Variants in FAM171A2 observed in about 807,000 individuals in gnomAD.
FAM171A2 encodes the protein protein FAM171A2.
In FAM171A2, 13 loss-of-function variants were observed where a neutral mutation model predicts 34.2. The observed-to-expected ratio is 0.38, with a 90% CI of 0.25 to 0.60. The LOEUF (loss-of-function observed/expected upper bound fraction) is 0.60, where lower values mean the gene tolerates loss of function less well. Ranked by LOEUF, FAM171A2 falls within the 20% of genes least tolerant of loss-of-function variation. FAM171A2 has a pLI of 0.62. For missense variants in FAM171A2, 950 were observed against 1,180.7 expected (o/e 0.80, Z 2.86); for synonymous variants, 475 against 561.2 (o/e 0.85, Z 2.17).
chr17:44,363,367 C>G (rs1314899222), intron 1 of FAM171A2, among the ~76,000 whole-genome samples: 1 of 152,124 alleles, frequency 6.6e-6, no homozygotes, highest in Non-Finnish European at 1.5e-5. Flanking sequence ...CCTGGGGACC[C>G]TCGCACTACC....
In FAM171A2 at chr17:44,354,469, T is replaced by G; in HGVS notation, c.1745A>C (p.Gln582Pro). The change falls in exon 8 of 8, where the codon CAG becomes CCG. Residue 582 changes from glutamine (Q) to proline (P), a missense_variant. Gln to Pro is a moderately conservative substitution (Grantham distance 76). Around this residue, in one of 3 missense-constraint regions of FAM171A2, gnomAD observed 752 missense variants for 924.5 expected, o/e 0.81. Transcript: ENST00000293443. This position sits in a 1 kb window ranked among gnomAD's most constrained non-coding sequence, Gnocchi z 5.8. ...CGAGTGGCCCGGCATCTGCGGGCGC[T>G]GGGGGTCGGGCTGGGGAAAAGCGCG... is the stretch of plus-strand genomic sequence containing the variant. ...PARAFPQPDPQRPQMPGHSGP... is the reference protein window; with the variant it reads ...PARAFPQPDPPRPQMPGHSGP... The G allele has an allele frequency of 9.3e-7, 1 of 1,079,940 alleles. No homozygotes were observed. Among genetic ancestry groups the G allele is most frequent in the Non-Finnish European group, 1.1e-6 (1 of 890,884 alleles). 66.9% of individuals were successfully genotyped at this position (1,079,940 alleles called of 1,614,324 possible).
chr17:44,354,485 GA>G lies in FAM171A2; in HGVS notation c.1728del (p.Gln578SerfsTer60). 2 of 1,079,476 alleles carry G rather than the reference GA, an allele frequency of 1.9e-6. No homozygotes were observed. Among genetic ancestry groups the G allele is most frequent in the Non-Finnish European group, 2.2e-6 (2 of 890,914 alleles). The allele number at this position is 1,079,476 out of a possible 1,614,324, so 66.9% of individuals were successfully genotyped here. On this transcript the variant is annotated frameshift_variant, in exon 8 of 8. Coordinates refer to ENST00000293443, the MANE Select transcript of FAM171A2 (RefSeq NM_198475.3). LOFTEE classifies it low-confidence loss of function (END_TRUNC). This position sits in a 1 kb window ranked among gnomAD's most constrained non-coding sequence, Gnocchi z 5.8. ...TGCGGGCGCTGGGGGTCGGGCTGGG[GA>G]AAAGCGCGCGCCGGGCCGGGTGCCG... is the stretch of plus-strand genomic sequence containing the variant. ...EGTAPGPARA[F>X]PQPDPQRPQM... is the part of the protein sequence containing the mutation.
At chr17:44,360,920 G>T (rs2143385778) in intron 1 of FAM171A2, among the ~76,000 whole-genome samples, 1 of 152,254 alleles carries the variant, frequency 6.6e-6, no homozygotes, top group African/African-American at 2.4e-5. Flanking sequence ...CCCCTCACAT[G>T]AACCGCCTGC....
At chr17:44,356,977 G>C (rs1248076631) in intron 3 of FAM171A2, among the ~76,000 whole-genome samples, 2 of 152,148 alleles carry the variant, frequency 1.3e-5, no homozygotes, top group Non-Finnish European at 2.9e-5. Flanking sequence ...GTACCCACTG[G>C]ACACACGTGG....
In FAM171A2 at chr17:44,354,528, C is replaced by T; in HGVS notation, c.1686G>A (p.Pro562=). ...EAGAAGVGDE[P]APPEGTAPGP... The stretch of plus-strand genomic sequence containing the variant: ...CGGGTGCCGTGCCCTCCGGCGGGGC[C>T]GGCTCGTCGCCCACGCCGGCGGCGC... The change falls in exon 8 of 8, where the codon CCG becomes CCA. Residue 562 remains proline, a synonymous_variant. Coordinates refer to ENST00000293443, the MANE Select transcript of FAM171A2 (RefSeq NM_198475.3). The surrounding 1 kb of genome is among the most constrained non-coding windows in gnomAD (Gnocchi z 5.8). 3 of 1,162,994 alleles carry T rather than the reference C, an allele frequency of 2.6e-6. No individual in the cohort carries two copies. The highest frequency in any genetic ancestry group is 3.2e-6 in the Non-Finnish European group (3 of 943,534). The allele number at this position is 1,162,994 out of a possible 1,614,324, so 72.0% of individuals were successfully genotyped here. A position where few individuals can be genotyped will look rare whatever the true frequency, so the allele number is the denominator to read the frequency against.
chr17:44,354,060 C>T lies in FAM171A2; in HGVS notation c.2154G>A (p.Pro718=). The part of the protein sequence containing the change: ...ERAPPAAPPP[P]PAPPRLALSE... ...TGAGCGCCAGGCGCGGGGGCGCGGGCGGCGGCGGCGGCGCGGCAGGCGGGG... is the reference window on the plus strand; with the variant it reads ...TGAGCGCCAGGCGCGGGGGCGCGGGTGGCGGCGGCGGCGCGGCAGGCGGGG... Residue 718 remains proline (P), a synonymous_variant, in exon 8 of 8, where the codon CCG becomes CCA. Transcript: ENST00000293443. The surrounding 1 kb of genome is among the most constrained non-coding windows in gnomAD (Gnocchi z 5.8). 1 of 1,100,156 alleles carries T rather than the reference C, an allele frequency of 9.1e-7. No homozygotes were observed. The highest frequency in any genetic ancestry group is 1.1e-6 in the Non-Finnish European group (1 of 904,780). The allele number at this position is 1,100,156 out of a possible 1,614,324, so 68.1% of individuals were successfully genotyped here.
intron 3 of FAM171A2, 42 bp from the exon 4 acceptor site, chr17:44,356,630 G>C (rs1373995166): frequency 6.7e-7 from 1 of 1,499,900 alleles, no homozygotes; most frequent in Admixed American, 2.2e-5. Flanking sequence ...CCATGGACAG[G>C]GATCCCCAGG....
Position 44,353,257 on chromosome 17 carries a change from G to GT in FAM171A2, c.*475dup. 1 of 259,228 alleles carries GT rather than the reference G, an allele frequency of 3.9e-6. No individual in the cohort carries two copies. The highest frequency in any genetic ancestry group is 7.6e-6 in the Non-Finnish European group (1 of 131,906). The allele number at this position is 259,228 out of a possible 1,614,324, so 16.1% of individuals were successfully genotyped here. On this transcript the variant is annotated 3_prime_UTR_variant, in exon 8 of 8. Transcript: ENST00000293443. ...ATATTTGCTGCTGCCCACATCGGCT[G>GT]TATCACATTACCCCCTAGTCCCCAG...
In FAM171A2 at chr17:44,358,348, C is replaced by T. The variant is rs578087372; in HGVS notation, c.439+1231G>A. On this transcript the variant is annotated intron_variant, in intron 3 of 7. Coordinates refer to ENST00000293443, the MANE Select transcript of FAM171A2 (RefSeq NM_198475.3). ...GGTCCACTGGTATTTTAGAAACCTG[C>T]AGGGGCACTTAGAAGCTTGGGATCA... Among the ~76,000 whole-genome samples the T allele has an allele frequency of 2.6e-5, 4 of 152,240 alleles. No individual in the cohort carries two copies. In the South Asian group the frequency reaches 6.2e-4, roughly 24 times the overall value.
intron 3 of FAM171A2, among the ~76,000 whole-genome samples, chr17:44,358,464 G>A (rs918199232): frequency 2.6e-5 from 4 of 152,050 alleles, no homozygotes; most frequent in South Asian, 4.1e-4. Flanking sequence ...AGGCAGAGGC[G>A]GGTGGATCAC....
intron 1 of FAM171A2, among the ~76,000 whole-genome samples, chr17:44,362,043 G>A (rs974482654): frequency 2.6e-5 from 4 of 151,108 alleles, no homozygotes; most frequent in Non-Finnish European, 5.9e-5. Context: ...GAGGGAGGGG[G>A]CTGGGGAAAC....
chr17:44,363,663 C>T lies in FAM171A2; in HGVS notation c.52G>A (p.Gly18Arg). 8.1e-7 allele frequency: 1 copy of T among 1,227,246 alleles called. No individual in the cohort carries two copies. Among genetic ancestry groups the T allele is most frequent in the Non-Finnish European group, 1.0e-6 (1 of 984,602 alleles). 76.0% of individuals were successfully genotyped at this position (1,227,246 alleles called of 1,614,324 possible). ...CGGGAGGCGCTGCCGAGCAGCAGCC[C>T]CAGCAGCGGCAACAGCCGCGCGAGG... ...SVLARLLPLLGLLLGSASRAP... is the reference protein window; with the variant it reads ...SVLARLLPLLRLLLGSASRAP... The change falls in exon 1 of 8, where the codon GGG becomes AGG. Residue 18 changes from glycine (G) to arginine (R), a missense_variant. This residue lies in a region of FAM171A2 where 752 missense variants were observed against 924.5 expected (regional missense o/e 0.81). Transcript: ENST00000293443.
chr17:44,354,281 G>A lies in FAM171A2; in HGVS notation c.1933C>T (p.Leu645=), dbSNP rs2048408075. Residue 645 remains leucine (L), a synonymous_variant, in exon 8 of 8, where the codon CTG becomes TTG. Coordinates refer to ENST00000293443, the MANE Select transcript of FAM171A2 (RefSeq NM_198475.3). The surrounding 1 kb of genome is among the most constrained non-coding windows in gnomAD (Gnocchi z 5.8). ...GCGCGCGGGTGCGGCTTCACGCCCA[G>A]TTCCAGCAGCTTCTTCTCGGTCAGG... The part of the protein sequence containing the change: ...QALTEKKLLE[L]GVKPHPRAWF... 9.0e-6 allele frequency: 13 copies of A among 1,449,472 alleles called. No individual in the cohort carries two copies. Among genetic ancestry groups the A allele is most frequent in the Non-Finnish European group, 1.2e-5 (13 of 1,095,428 alleles). 89.8% of individuals were successfully genotyped at this position (1,449,472 alleles called of 1,614,324 possible). A position where few individuals can be genotyped will look rare whatever the true frequency, so the allele number is the denominator to read the frequency against.
chr17:44,362,954 C>T (rs2048453838), intron 1 of FAM171A2, among the ~76,000 whole-genome samples: 1 of 152,210 alleles, frequency 6.6e-6, no homozygotes, highest in Non-Finnish European at 1.5e-5. Context: ...TTCTTAGAGG[C>T]CCACAACTGC....
Position 44,355,066 on chromosome 17 carries a change from T to C in FAM171A2, c.1148A>G (p.Glu383Gly), listed in dbSNP as rs1264723548. 6.5e-7 allele frequency: 1 copy of C among 1,548,918 alleles called. No homozygotes were observed. Residue 383 changes from glutamate (E) to glycine (G), a missense_variant, in exon 8 of 8, where the codon GAA becomes GGA. Physicochemically the swap from Glu to Gly is moderately conservative, Grantham distance 98. Coordinates refer to ENST00000293443, the MANE Select transcript of FAM171A2 (RefSeq NM_198475.3). The surrounding 1 kb of genome is among the most constrained non-coding windows in gnomAD (Gnocchi z 4.1). ...CTCGGGGTCCCCCGACGGGGCGGGT[T>C]CCAGGGGTCCCCCACAGATGAGGTG... ...QLHLICGGPL[E>G]PAPSGDPEAP...
In FAM171A2 at chr17:44,354,223, G is replaced by A; in HGVS notation, c.1991C>T (p.Ser664Leu). 1 of 1,455,540 alleles carries A rather than the reference G, an allele frequency of 6.9e-7. No homozygotes were observed. 90.2% of individuals were successfully genotyped at this position (1,455,540 alleles called of 1,614,324 possible). Residue 664 changes from serine (S) to leucine (L), a missense_variant, in exon 8 of 8, where the codon TCG becomes TTG. By Grantham distance (145) the Ser-to-Leu change is moderately radical. Transcript: ENST00000293443. The surrounding 1 kb of genome is among the most constrained non-coding windows in gnomAD (Gnocchi z 5.8). ...WFVSLDGRSNSQVRHSYIDLQ... is the reference protein window; with the variant it reads ...WFVSLDGRSNLQVRHSYIDLQ... ...GTCGATGTAAGAGTGGCGCACTTGC[G>A]AGTTGGAGCGCCCGTCGAGGGACAC...
chr17:44,355,707 G>A lies in FAM171A2; in HGVS notation c.1022+8C>T, dbSNP rs1165478677. 1 of 1,551,496 alleles carries A rather than the reference G, an allele frequency of 6.4e-7. No homozygotes were observed. The highest frequency in any genetic ancestry group is 8.7e-7 in the Non-Finnish European group (1 of 1,146,972). ...TGCAGGGGAGGGTGAGGGAAGCCCC[G>A]TGCTCACCGGCAGTAGTAGATGAGC... On this transcript the variant is annotated splice_region_variant and intron_variant, in intron 7 of 7. Transcript: ENST00000293443. This position sits in a 1 kb window ranked among gnomAD's most constrained non-coding sequence, Gnocchi z 4.1.
At chr17:44,356,979 C>G (rs1304293119) in intron 3 of FAM171A2, among the ~76,000 whole-genome samples, 1 of 152,194 alleles carries the variant, frequency 6.6e-6, no homozygotes, top group African/African-American at 2.4e-5. Flanking sequence ...ACCCACTGGA[C>G]ACACGTGGCT....
Position 44,359,602 on chromosome 17 carries a change from A to C in FAM171A2, c.416T>G (p.Val139Gly). ...PATLILYEDL[V>G]HILLGSPGAR... ...ACCGGGAGAGCCTAGGAGAATGTGC[A>C]CCAGGTCCTCATAGAGGATGAGCGT... Residue 139 changes from valine (V) to glycine (G), a missense_variant, in exon 3 of 8, where the codon GTG (valine) becomes GGG (glycine). Val to Gly is a moderately radical substitution (Grantham distance 109). Around this residue, in one of 3 missense-constraint regions of FAM171A2, gnomAD observed 752 missense variants for 924.5 expected, o/e 0.81. Coordinates refer to ENST00000293443, the MANE Select transcript of FAM171A2 (RefSeq NM_198475.3). The C allele has an allele frequency of 6.4e-7, 1 of 1,551,258 alleles. No individual in the cohort carries two copies. Among genetic ancestry groups the C allele is most frequent in the Non-Finnish European group, 8.7e-7 (1 of 1,146,920 alleles).
Sources: allele counts gnomAD v4.1 joint callset (sites outside exome capture counted in the v4.1 genomes callset), GRCh38; gene constraint gnomAD v4.1.1; regional missense constraint gnomAD v4.1.1; non-coding constraint Gnocchi (gnomAD v3.1); transcripts MANE v1.5; gene names NCBI Gene and HGNC (gene_info 2026-07-23, HGNC 2026-07-21).